The following NPAS3 variants were observed in gnomAD, a reference collection of about 807,000 sequenced individuals.
NPAS3 encodes the protein neuronal PAS domain protein 3, also known as neuronal PAS domain-containing protein 3.
NPAS3 carries 14 observed loss-of-function variants against 73.1 expected under a neutral mutation model. The observed-to-expected ratio is 0.19, with a 90% CI of 0.13 to 0.30. NPAS3 has a LOEUF of 0.30. Ranked by LOEUF, NPAS3 falls within the 10% of genes least tolerant of loss-of-function variation. The pLI, the probability that NPAS3 is intolerant of heterozygous loss-of-function variation, is 1.00. For synonymous variants in NPAS3, 620 were observed against 541.5 expected, an observed-to-expected ratio of 1.14 and a Z score of -2.01; for missense variants, 1,096 against 1,250.0, an observed-to-expected ratio of 0.88 and a Z score of 1.86.
intron 3 of NPAS3, among the ~76,000 whole-genome samples, chr14:33,366,456 C>T (rs1336493174): frequency 2.0e-5 from 3 of 152,010 alleles, no homozygotes; most frequent in East Asian, 1.9e-4. Context: ...GCAGGTGAAG[C>T]GTGCCTGGAA....
chr14:33,113,985 G>A (rs552877760), intron 2 of NPAS3, among the ~76,000 whole-genome samples: 6 of 152,270 alleles, frequency 3.9e-5, no homozygotes, highest in African/African-American at 1.2e-4. Context: ...ATTTGCATAT[G>A]TTGAACCAGC....
At chr14:33,353,916 A>G (rs534720216) in intron 3 of NPAS3, among the ~76,000 whole-genome samples, 2 of 152,202 alleles carry the variant, frequency 1.3e-5, no homozygotes, top group African/African-American at 4.8e-5. Context: ...ATTATAGATC[A>G]TTATGTTGTT....
intron 2 of NPAS3, among the ~76,000 whole-genome samples, chr14:33,140,945 G>A (rs961757466): frequency 1.3e-5 from 2 of 152,158 alleles, no homozygotes; most frequent in Non-Finnish European, 2.9e-5. Context: ...AATTCAAAAA[G>A]CAATCTGTAT....
chr14:32,940,643 A>G (rs1286260732), intron 1 of NPAS3, among the ~76,000 whole-genome samples: 4 of 152,230 alleles, frequency 2.6e-5, no homozygotes, highest in Non-Finnish European at 5.9e-5. Flanking sequence ...TGAACTTGAA[A>G]AGAAGACAAA....
chr14:33,490,225 C>T (rs1454353660), intron 4 of NPAS3, among the ~76,000 whole-genome samples: 1 of 152,030 alleles, frequency 6.6e-6, no homozygotes, highest in Non-Finnish European at 1.5e-5. Context: ...GACATGGTGC[C>T]TATATGTTTC....
At chr14:32,984,520 A>C (rs1405028039) in intron 1 of NPAS3, among the ~76,000 whole-genome samples, 1 of 152,226 alleles carries the variant, frequency 6.6e-6, no homozygotes, top group East Asian at 1.9e-4. Flanking sequence ...CTAAATACTT[A>C]TGCTTCAGTT....
At chr14:33,172,060 AT>A (rs1462184160) in intron 2 of NPAS3, among the ~76,000 whole-genome samples, 16 of 152,222 alleles carry the variant, frequency 1.1e-4, no homozygotes, top group Admixed American at 3.9e-4. Context: ...TATAAGCATG[AT>A]TTGTGTACCC....
chr14:33,769,976 G>C (rs2062600663), intron 7 of NPAS3, among the ~76,000 whole-genome samples: 1 of 151,792 alleles, frequency 6.6e-6, no homozygotes, highest in Non-Finnish European at 1.5e-5. Flanking sequence ...TGTTGCCCAA[G>C]CTGGTCTTGA....
At chr14:33,605,531 G>A (rs1567047542) in intron 5 of NPAS3, among the ~76,000 whole-genome samples, 1 of 151,488 alleles carries the variant, frequency 6.6e-6, no homozygotes, top group Non-Finnish European at 1.5e-5. Flanking sequence ...AATGAATTTA[G>A]CAAAATTGCA....
chr14:33,333,014 G>GTAC (rs1476174146), intron 3 of NPAS3, among the ~76,000 whole-genome samples: 7 of 152,188 alleles, frequency 4.6e-5, no homozygotes, highest in Non-Finnish European at 1.5e-5. Flanking sequence ...GCAGCAAAAT[G>GTAC]TACAGATTTG....
chr14:33,242,431 T>A (rs1467162694), intron 3 of NPAS3, among the ~76,000 whole-genome samples: 1 of 152,042 alleles, frequency 6.6e-6, no homozygotes, highest in Non-Finnish European at 1.5e-5. Context: ...TAATAAAATT[T>A]CTAATGACAG....
intron 4 of NPAS3, among the ~76,000 whole-genome samples, chr14:33,372,482 C>T (rs2140440849): frequency 6.6e-6 from 1 of 152,222 alleles, no homozygotes; most frequent in Admixed American, 6.5e-5. Flanking sequence ...TCATGTATTA[C>T]AAAGCCAATT....
intron 4 of NPAS3, among the ~76,000 whole-genome samples, chr14:33,473,164 G>A (rs1056030411): frequency 3.9e-5 from 6 of 152,190 alleles, no homozygotes; most frequent in African/African-American, 1.4e-4. Flanking sequence ...GTTGGCTGAT[G>A]GAAACTGGGA....
At chr14:33,602,217 AAGC>A (rs2057419545) in intron 5 of NPAS3, among the ~76,000 whole-genome samples, 2 of 152,210 alleles carry the variant, frequency 1.3e-5, no homozygotes, top group Admixed American at 6.5e-5. Flanking sequence ...AGTGTGAAAA[AAGC>A]AGGCAAGGCT....
At chr14:33,189,274 TG>T (rs1055571139) in intron 2 of NPAS3, among the ~76,000 whole-genome samples, 8 of 152,220 alleles carry the variant, frequency 5.3e-5, no homozygotes, top group Non-Finnish European at 1.2e-4. Context: ...AGAGCATTTT[TG>T]GCAGACAGAG....
chr14:32,948,995 T>A (rs2036377396), intron 1 of NPAS3, among the ~76,000 whole-genome samples: 2 of 152,126 alleles, frequency 1.3e-5, no homozygotes. Flanking sequence ...ATTTTACTTT[T>A]TACAGAAATC....
At chr14:33,185,771 T>A (rs923923934) in intron 2 of NPAS3, among the ~76,000 whole-genome samples, 1 of 152,116 alleles carries the variant, frequency 6.6e-6, no homozygotes, top group Non-Finnish European at 1.5e-5. Flanking sequence ...GAACTGAAGA[T>A]GTTCTTTTTG....
chr14:33,781,605 A>C (rs2062981064), intron 9 of NPAS3, among the ~76,000 whole-genome samples: 1 of 152,240 alleles, frequency 6.6e-6, no homozygotes, highest in African/African-American at 2.4e-5. Context: ...TCTAAAACAA[A>C]GGGATGGTTA....
rs750880407 is a variant in NPAS3, at chr14:33,680,763, C to T, written c.733+4378C>T. 3 of 642,990 alleles carry T rather than the reference C, an allele frequency of 4.7e-6. No homozygotes were observed. In the East Asian group the frequency reaches 8.2e-5, roughly 18 times the overall value. 39.8% of individuals were successfully genotyped at this position (642,990 alleles called of 1,614,324 possible). A position where few individuals can be genotyped will look rare whatever the true frequency, so the allele number is the denominator to read the frequency against. The stretch of plus-strand genomic sequence containing the variant: ...ATAGAGGGGAAAATCAATACTGTAC[C>T]AGGATTTAGACAATTTAGCAAAATG... On this transcript the variant is annotated intron_variant, in intron 6 of 11. Coordinates refer to ENST00000356141, the Ensembl canonical transcript of NPAS3.
Sources: gnomAD v4.1 joint callset for allele counts (sites outside exome capture counted in the v4.1 genomes callset) on GRCh38, gnomAD v4.1.1 for gene constraint, MANE v1.5 for transcripts, NCBI Gene and HGNC (gene_info 2026-07-23, HGNC 2026-07-21) for gene names.